HECW2: variants seen among roughly 807,000 people sequenced by gnomAD.
The protein encoded by HECW2 is HECT, C2 and WW domain containing E3 ubiquitin protein ligase 2.
Under a neutral mutation model 175.2 loss-of-function variants are expected in HECW2, and 61 were observed. The observed-to-expected ratio is 0.35, with a 90% CI of 0.28 to 0.43. The LOEUF (loss-of-function observed/expected upper bound fraction) is 0.43. Ranked by LOEUF, HECW2 falls within the 20% of genes least tolerant of loss-of-function variation. HECW2 has a pLI of 1.00. For missense variants in HECW2, 1,524 were observed against 2,000.5 expected (o/e 0.76, Z 4.54); for synonymous variants, 671 against 731.0 (o/e 0.92, Z 1.32).
Position 196,220,835 on chromosome 2 carries a change from A to G in HECW2, c.4253T>C (p.Val1418Ala). 1 of 1,614,096 alleles carries G rather than the reference A, an allele frequency of 6.2e-7. No homozygotes were observed. The highest frequency in any genetic ancestry group is 8.5e-7 in the Non-Finnish European group (1 of 1,180,004). Residue 1418 changes from valine to alanine, a missense_variant, in exon 25 of 29, where the codon GTT becomes GCT. Physicochemically the swap from Val to Ala is moderately conservative, Grantham distance 64. Coordinates refer to ENST00000644978, the MANE Select transcript of HECW2 (RefSeq NM_001348768.2). ...RMVKWRIERG[V>A]VQQTESLVRG... ...CACTAAGCTCTCTGTTTGCTGTACA[A>G]CACCCCTCTCAATCCTCCACTTCAC... is the stretch of plus-strand genomic sequence containing the variant.
At chr2:196,419,551 T>C (rs1432142486) in intron 2 of HECW2, among the ~76,000 whole-genome samples, 5 of 152,234 alleles carry the variant, frequency 3.3e-5, no homozygotes, top group South Asian at 2.1e-4. Flanking sequence ...CCCTTCTCCA[T>C]GCTCCTGTGG....
intron 1 of HECW2, among the ~76,000 whole-genome samples, chr2:196,502,732 C>A (rs950154136): frequency 2.0e-5 from 3 of 152,166 alleles, no homozygotes; most frequent in African/African-American, 7.2e-5. Context: ...CAACTATGGA[C>A]GGTCCCGCCC....
At chr2:196,354,400 T>C (rs1693287208) in intron 2 of HECW2, among the ~76,000 whole-genome samples, 1 of 152,178 alleles carries the variant, frequency 6.6e-6, no homozygotes, top group Non-Finnish European at 1.5e-5. Flanking sequence ...CTTGCTCACA[T>C]ACTCCCTCCC....
At chr2:196,459,846 G>A (rs1352623031) in intron 1 of HECW2, among the ~76,000 whole-genome samples, 1 of 152,120 alleles carries the variant, frequency 6.6e-6, no homozygotes, top group Non-Finnish European at 1.5e-5. Flanking sequence ...ATTCCACCCT[G>A]GATCATGCTA....
At position 196,491,472 on chromosome 2, in the gene HECW2, G is replaced by GTGTATA. The variant is rs1553524433; in HGVS notation, c.-35-58015_-35-58014insTATACA. On this transcript the variant is annotated intron_variant, in intron 1 of 28. Transcript: ENST00000644978. ...ACACACTTAGGTATATTAGGTGTGT[G>GTGTATA]TATATATATATATACACATATATAT... 2.2e-3 allele frequency among the ~76,000 whole-genome samples: 296 copies of GTGTATA among 137,082 alleles called. 2 individuals are homozygous for GTGTATA. The highest frequency in any genetic ancestry group is 7.6e-3 in the African/African-American group (273 of 36,088). The allele number at this position is 137,082 out of a possible 152,430, so 89.9% of individuals were successfully genotyped here.
At chr2:196,306,129 T>TA (rs1253363306) in intron 13 of HECW2, among the ~76,000 whole-genome samples, 9 of 152,110 alleles carry the variant, frequency 5.9e-5, no homozygotes, top group Non-Finnish European at 8.8e-5. Context: ...CCTCCGCCCT[T>TA]AGACCATATG....
intron 2 of HECW2, among the ~76,000 whole-genome samples, chr2:196,351,478 C>T (rs767951600): frequency 2.9e-4 from 44 of 151,946 alleles, no homozygotes; most frequent in Non-Finnish European, 5.7e-4. Flanking sequence ...AACCTCCATA[C>T]GGTACTTGAA....
chr2:196,344,004 T>C (rs928090121), intron 2 of HECW2, among the ~76,000 whole-genome samples: 5 of 152,154 alleles, frequency 3.3e-5, no homozygotes, highest in African/African-American at 4.8e-5. Flanking sequence ...AGGTGGTCAA[T>C]GTTGCCAAAA....
chr2:196,286,986 G>C (rs1371268807), intron 14 of HECW2, among the ~76,000 whole-genome samples: 1 of 152,202 alleles, frequency 6.6e-6, no homozygotes, highest in Admixed American at 6.5e-5. Context: ...ATTGAAACCA[G>C]GGTCTGGGTC....
chr2:196,362,264 T>A (rs1016839523), intron 2 of HECW2: 2 of 879,958 alleles, frequency 2.3e-6, no homozygotes, highest in African/African-American at 3.7e-5. Context: ...CATCCTCCCC[T>A]CAGCTTCCTT....
intron 21 of HECW2, among the ~76,000 whole-genome samples, chr2:196,237,034 G>A (rs1378627): frequency 1 from 152,077 of 152,342 alleles, 75,907 homozygotes; most frequent in Middle Eastern, 1. Context: ...CCTTTCACCA[G>A]CTACAACATA....
chr2:196,460,407 C>T (rs1575567925), intron 1 of HECW2, among the ~76,000 whole-genome samples: 1 of 150,760 alleles, frequency 6.6e-6, no homozygotes, highest in Admixed American at 6.6e-5. Context: ...ATCTCATCTA[C>T]AAGCCATGAG....
chr2:196,472,254 C>A (rs1444776054), intron 1 of HECW2, among the ~76,000 whole-genome samples: 1 of 151,738 alleles, frequency 6.6e-6, no homozygotes, highest in African/African-American at 2.4e-5. Flanking sequence ...GAGGCCAAGA[C>A]AGGAGGATCA....
chr2:196,261,921 C>T (rs929249795), intron 17 of HECW2, among the ~76,000 whole-genome samples: 3 of 152,146 alleles, frequency 2.0e-5, no homozygotes, highest in African/African-American at 7.2e-5. Context: ...GTCCACCCAG[C>T]GTTTGGAATA....
At chr2:196,505,449 A>C (rs1687725930) in intron 1 of HECW2, among the ~76,000 whole-genome samples, 1 of 152,138 alleles carries the variant, frequency 6.6e-6, no homozygotes, top group African/African-American at 2.4e-5. Flanking sequence ...CTGAAGCAGG[A>C]GAATCGCTTG....
rs112226945 is a variant in HECW2 at position 196,212,387 on chromosome 2, T to C, written c.4607+3478A>G. ...TCCATTAGGCCCCAGTGAGTGTTAT[T>C]CCCCTCTATGTGTCCTTGTGTTCTC... is the stretch of plus-strand genomic sequence containing the variant. On this transcript the variant is annotated intron_variant, in intron 28 of 28. Transcript: ENST00000644978. Among the ~76,000 whole-genome samples the C allele has an allele frequency of 7.6e-3, 1,164 of 152,230 alleles. 15 individuals are homozygous for C. The highest frequency in any genetic ancestry group is 0.026 in the African/African-American group (1,095 of 41,528).
At chr2:196,399,965 C>A (rs1388352874) in intron 2 of HECW2, among the ~76,000 whole-genome samples, 1 of 152,134 alleles carries the variant, frequency 6.6e-6, no homozygotes, top group African/African-American at 2.4e-5. Context: ...TCCTAAGGAG[C>A]ACTCAACAAT....
chr2:196,583,723 C>T (rs185228957), intron 1 of HECW2, among the ~76,000 whole-genome samples: 3 of 152,104 alleles, frequency 2.0e-5, no homozygotes, highest in Admixed American at 2.0e-4. Flanking sequence ...AAATAACAAC[C>T]CTTCATAATG....
chr2:196,318,651 C>T lies in HECW2; in HGVS notation c.2239G>A (p.Ala747Thr), dbSNP rs140320997. Residue 747 changes from alanine (A) to threonine (T), a missense_variant, in exon 9 of 29, where the codon GCA becomes ACA. Coordinates refer to ENST00000644978, the MANE Select transcript of HECW2 (RefSeq NM_001348768.2). Reference sequence around the variant, plus strand: ...TGCGGTGGGCTCTCGGCAGCAGCTGCAGCTCCCTCCAGGCTCCCCCTCCGC... The same window carrying T: ...TGCGGTGGGCTCTCGGCAGCAGCTGTAGCTCCCTCCAGGCTCCCCCTCCGC... ...WQRRGSLEGA[A>T]AAAESPPQEE... 1.6e-5 allele frequency: 26 copies of T among 1,600,554 alleles called. No homozygotes were observed. In the East Asian group the frequency reaches 2.7e-4, roughly 17 times the overall value.
Sources: gnomAD v4.1 joint callset for allele counts (sites outside exome capture counted in the v4.1 genomes callset) on GRCh38, gnomAD v4.1.1 for gene constraint, MANE v1.5 for transcripts, NCBI Gene and HGNC (gene_info 2026-07-23, HGNC 2026-07-21) for gene names.